The following ACTR3C variants were observed in gnomAD, a reference collection of about 807,000 sequenced individuals.
ACTR3C encodes actin related protein 3C, also known as actin-related protein 3C.
In ACTR3C, 18 loss-of-function variants were observed where a neutral mutation model predicts 26.3. The ratio of observed to expected loss-of-function variants is 0.68; its 90% CI spans 0.47 to 1.01. The LOEUF is 1.01. ACTR3C is among the 50% of genes least tolerant of loss of function. ACTR3C has a pLI of 0.00. For synonymous variants in ACTR3C, 55 were observed against 94.5 expected (o/e 0.58, Z 2.42); for missense variants, 184 against 250.7 (o/e 0.73, Z 1.80).
the ACTR3C span, among the ~76,000 whole-genome samples, chr7:149,980,979 T>G: frequency 6.6e-6 from 1 of 150,850 alleles, no homozygotes; most frequent in South Asian, 2.1e-4. Flanking sequence ...TTGGCAAGAG[T>G]TTTACCAGAC....
At chr7:150,152,598 C>A in the ACTR3C span, among the ~76,000 whole-genome samples, 1 of 152,164 alleles carries the variant, frequency 6.6e-6, no homozygotes. Context: ...GTCTAAAATT[C>A]TCCTTTTTGG....
the ACTR3C span, among the ~76,000 whole-genome samples, chr7:150,055,804 A>C: frequency 6.6e-6 from 1 of 152,198 alleles, no homozygotes; most frequent in African/African-American, 2.4e-5. Flanking sequence ...CAAAGAAAAA[A>C]AAGCCTTACT....
the ACTR3C span, among the ~76,000 whole-genome samples, chr7:150,130,073 C>T: frequency 6.6e-6 from 1 of 152,142 alleles, no homozygotes; most frequent in Admixed American, 6.5e-5. Flanking sequence ...AAAGCAACTC[C>T]ATGGAGACAA....
chr7:150,093,161 C>T, the ACTR3C span, among the ~76,000 whole-genome samples: 1 of 151,154 alleles, frequency 6.6e-6, no homozygotes, highest in Non-Finnish European at 1.5e-5. Context: ...AGAACTAAAA[C>T]AAGAGAAGCA....
chr7:150,041,749 C>CG, the ACTR3C span, among the ~76,000 whole-genome samples: 4 of 124,762 alleles, frequency 3.2e-5, no homozygotes, highest in African/African-American at 1.3e-4. Flanking sequence ...TCCTAAGAGC[C>CG]AGGGGGGGGA....
At chr7:149,900,555 TAAAA>T in the ACTR3C span, among the ~76,000 whole-genome samples, 4 of 151,864 alleles carry the variant, frequency 2.6e-5, no homozygotes, top group East Asian at 7.7e-4. Flanking sequence ...AAAGAAATGA[TAAAA>T]GAAGGAATTT....
chr7:150,278,371 C>T (rs530596875), intron 6 of ACTR3C, among the ~76,000 whole-genome samples: 1 of 152,356 alleles, frequency 6.6e-6, no homozygotes, highest in South Asian at 2.1e-4. Flanking sequence ...ATTTCAGGGG[C>T]TCAGTGGCCA....
the ACTR3C span, among the ~76,000 whole-genome samples, chr7:149,908,057 A>G: frequency 6.6e-6 from 1 of 151,738 alleles, no homozygotes; most frequent in Admixed American, 6.6e-5. Flanking sequence ...GTCCCCATCA[A>G]TAAGAGTGGT....
At chr7:149,891,443 C>T in the ACTR3C span, 1 of 810,582 alleles carries the variant, frequency 1.2e-6, no homozygotes, top group East Asian at 3.0e-5. Context: ...TGTAAAGAAA[C>T]AACAGCATTT....
the ACTR3C span, among the ~76,000 whole-genome samples, chr7:150,129,762 G>C: frequency 0.16 from 24,918 of 151,634 alleles, 2,086 homozygotes; most frequent in Admixed American, 0.18. Context: ...CCAATTCTCC[G>C]AAAATTGATG....
chr7:150,314,979 T>C (rs981508026), intron 1 of ACTR3C, among the ~76,000 whole-genome samples: 1 of 147,542 alleles, frequency 6.8e-6, no homozygotes, highest in Non-Finnish European at 1.5e-5. Flanking sequence ...TAAATAGTAT[T>C]ATTTTTAATA....
At chr7:149,929,618 G>A in the ACTR3C span, among the ~76,000 whole-genome samples, 5 of 141,556 alleles carry the variant, frequency 3.5e-5, no homozygotes, top group Non-Finnish European at 4.5e-5. Flanking sequence ...TGCAACCTCC[G>A]CCTCTCGGGT....
chr7:150,041,201 G>C, the ACTR3C span, among the ~76,000 whole-genome samples: 2 of 137,870 alleles, frequency 1.5e-5, no homozygotes, highest in Admixed American at 1.4e-4. Flanking sequence ...AAAGTTCCGG[G>C]TCCCCGACCC....
the ACTR3C span, among the ~76,000 whole-genome samples, chr7:149,973,699 T>C: frequency 6.6e-6 from 1 of 151,818 alleles, no homozygotes; most frequent in Non-Finnish European, 1.5e-5. Flanking sequence ...ATATTCTTTA[T>C]TACGGTTTGT....
chr7:150,033,798 G>A, the ACTR3C span, among the ~76,000 whole-genome samples: 3,151 of 117,584 alleles, frequency 0.027, no homozygotes, highest in South Asian at 0.049. Flanking sequence ...TCAGAGCCAG[G>A]GGGGGAAGAG....
chr7:150,309,245 C>T (rs138209541), intron 1 of ACTR3C, among the ~76,000 whole-genome samples: 1 of 152,332 alleles, frequency 6.6e-6, no homozygotes, highest in East Asian at 1.9e-4. Context: ...AGAAGCCACT[C>T]AAGGTAAAGA....
chr7:150,286,756 T>G (rs1256986167), intron 4 of ACTR3C, among the ~76,000 whole-genome samples: 1 of 151,448 alleles, frequency 6.6e-6, no homozygotes, highest in Non-Finnish European at 1.5e-5. Flanking sequence ...GTCTGCTTTC[T>G]CTGCAACTCA....
the ACTR3C span, among the ~76,000 whole-genome samples, chr7:150,141,786 C>T: frequency 1.3e-5 from 2 of 151,962 alleles, no homozygotes; most frequent in Non-Finnish European, 2.9e-5. Context: ...TGGGAAGGTG[C>T]ATACTGAGCA....
the ACTR3C span, among the ~76,000 whole-genome samples, chr7:150,158,864 CCA>C: frequency 0.25 from 37,507 of 150,446 alleles, 5,047 homozygotes; most frequent in East Asian, 0.46. Flanking sequence ...ACAGGCATGC[CCA>C]CACACACACG....
Sources: gnomAD v4.1 joint callset for allele counts (sites outside exome capture counted in the v4.1 genomes callset) on GRCh38, gnomAD v4.1.1 for gene constraint, MANE v1.5 for transcripts, NCBI Gene and HGNC (gene_info 2026-07-23, HGNC 2026-07-21) for gene names.